Variants in FRMD3 observed in about 807,000 individuals in gnomAD.
FRMD3 encodes the protein FERM domain-containing protein 3.
In FRMD3, 33 loss-of-function variants were observed where a neutral mutation model predicts 70.2. That is an observed-to-expected ratio of 0.47 (90% CI 0.36 to 0.63). The LOEUF (loss-of-function observed/expected upper bound fraction) is 0.63, where lower values mean the gene tolerates loss of function less well. Ranked by LOEUF, FRMD3 falls within the 20% of genes least tolerant of loss-of-function variation. FRMD3 has a pLI of 0.00. For synonymous variants in FRMD3, 279 were observed against 255.9 expected (o/e 1.09, Z -0.86); for missense variants, 632 against 711.4 (o/e 0.89, Z 1.27).
At position 83,273,469 on chromosome 9, in the gene FRMD3, A is replaced by G. The variant is rs374011143; in HGVS notation, c.1195+17134T>C. Among the ~76,000 whole-genome samples the G allele has an allele frequency of 9.2e-5, 14 of 151,842 alleles. No individual in the cohort carries two copies. The East Asian group carries it at 1.2e-3, about 13-fold the overall frequency. ...AGAGTCATCAGCACTCCCTAATCTC[A>G]AGTACCCAGGGACACAAACACTGCG... On this transcript the variant is annotated intron_variant, in intron 13 of 13. Transcript: ENST00000304195.
chr9:83,556,201 G>GA, the FRMD3 span, among the ~76,000 whole-genome samples: 1,910 of 143,512 alleles, frequency 0.013, 24 homozygotes, highest in South Asian at 0.074. Context: ...CTAGCCTTTT[G>GA]AAAAAAAAAA....
At chr9:83,299,209 G>A (rs776831942) in intron 10 of FRMD3, 23 bp from the exon 11 acceptor site, 1 of 1,552,892 alleles carries the variant, frequency 6.4e-7, no homozygotes, top group South Asian at 1.1e-5. Flanking sequence ...GCAAAGCACA[G>A]GTGGTTAGGA....
chr9:83,375,550 A>G (rs906937115), intron 2 of FRMD3, among the ~76,000 whole-genome samples: 4 of 152,244 alleles, frequency 2.6e-5, no homozygotes, highest in Non-Finnish European at 5.9e-5. Flanking sequence ...ATTACAGGAA[A>G]TCATTTCTTC....
At chr9:83,364,921 T>C (rs959323327) in intron 3 of FRMD3, among the ~76,000 whole-genome samples, 2 of 152,224 alleles carry the variant, frequency 1.3e-5, no homozygotes, top group African/African-American at 4.8e-5. Flanking sequence ...ATCTTTACCA[T>C]AGCCCATATT....
intron 13 of FRMD3, among the ~76,000 whole-genome samples, chr9:83,289,709 C>A (rs532372632): frequency 1.6e-4 from 25 of 152,256 alleles, no homozygotes; most frequent in African/African-American, 6.0e-4. Flanking sequence ...AACGATGAAA[C>A]CAGAATCACA....
chr9:83,381,864 C>G (rs1825366330), intron 2 of FRMD3, among the ~76,000 whole-genome samples: 1 of 152,266 alleles, frequency 6.6e-6, no homozygotes, highest in African/African-American at 2.4e-5. Context: ...AACTACTCAA[C>G]CCTGCTATTG....
intron 1 of FRMD3, among the ~76,000 whole-genome samples, chr9:83,409,203 A>C (rs184706799): frequency 9.8e-4 from 150 of 152,298 alleles, no homozygotes; most frequent in African/African-American, 3.4e-3. Flanking sequence ...GAAGATGTTA[A>C]AAGCACACAG....
chr9:83,300,534 A>G (rs1834871141), intron 10 of FRMD3, among the ~76,000 whole-genome samples: 1 of 152,218 alleles, frequency 6.6e-6, no homozygotes, highest in African/African-American at 2.4e-5. Flanking sequence ...AATGGACTTT[A>G]TAGACTCAGA....
At chr9:83,483,703 T>C (rs1170680007) in intron 1 of FRMD3, among the ~76,000 whole-genome samples, 1 of 151,854 alleles carries the variant, frequency 6.6e-6, no homozygotes, top group Non-Finnish European at 1.5e-5. Context: ...TACAAAAAAT[T>C]AGAAAAATTA....
chr9:83,445,134 G>T (rs977142690), intron 1 of FRMD3, among the ~76,000 whole-genome samples: 25 of 152,294 alleles, frequency 1.6e-4, no homozygotes, highest in African/African-American at 6.0e-4. Context: ...CCAATGCTTT[G>T]GGAGGCCAAA....
At chr9:83,475,645 T>C (rs1828378532) in intron 1 of FRMD3, among the ~76,000 whole-genome samples, 1 of 152,162 alleles carries the variant, frequency 6.6e-6, no homozygotes, top group Non-Finnish European at 1.5e-5. Context: ...TAGCTAATAT[T>C]TGAAAGAGCT....
intron 3 of FRMD3, among the ~76,000 whole-genome samples, chr9:83,362,829 TCCCTCCCTCCTTCCTTCCCTCCCTC>T (rs1564035946): frequency 3.7e-5 from 5 of 134,104 alleles, no homozygotes; most frequent in Admixed American, 7.3e-5. Flanking sequence ...CCTCCTTCCT[TCCCTCCCTCCTTCCTTCCCTCCCTC>T]CTTCCTTCCC....
chr9:83,362,433 T>C (rs1219683315), intron 3 of FRMD3, among the ~76,000 whole-genome samples: 2 of 152,150 alleles, frequency 1.3e-5, no homozygotes, highest in African/African-American at 4.8e-5. Context: ...ACAACTTGAC[T>C]CAGTACTGCT....
rs1173907926 is a variant in FRMD3 at position 83,246,552 on chromosome 9, A to T, written c.*1366T>A. 3.0e-6 allele frequency: 3 copies of T among 985,064 alleles called. No individual in the cohort carries two copies. The highest frequency in any genetic ancestry group is 3.6e-6 in the Non-Finnish European group (3 of 829,864). The allele number at this position is 985,064 out of a possible 1,614,324, so 61.0% of individuals were successfully genotyped here. On this transcript the variant is annotated 3_prime_UTR_variant, in exon 14 of 14. Coordinates refer to ENST00000304195, the MANE Select transcript of FRMD3 (RefSeq NM_174938.6). The stretch of plus-strand genomic sequence containing the variant: ...TGAGGCCTCTCCAGTTTCTCTATGG[A>T]AGTCAAATTTTAAAACAACTGGGAA...
chr9:83,523,137 T>C lies in FRMD3; in HGVS notation c.147+14948A>G, dbSNP rs565014232. Among the ~76,000 whole-genome samples, 6 of 151,864 alleles carry C rather than the reference T, an allele frequency of 4.0e-5. No homozygotes were observed. In the South Asian group the frequency reaches 1.2e-3, roughly 32 times the overall value. ...AACAGAGGTATTCAATAAATGTTTG[T>C]TTGGTGAATGGATGGAGGATGGATG... On this transcript the variant is annotated intron_variant, in intron 1 of 13. Coordinates refer to ENST00000304195, the MANE Select transcript of FRMD3 (RefSeq NM_174938.6).
intron 1 of FRMD3, among the ~76,000 whole-genome samples, chr9:83,460,004 A>G (rs765041093): frequency 6.6e-6 from 1 of 152,166 alleles, no homozygotes; most frequent in Non-Finnish European, 1.5e-5. Flanking sequence ...CATTAATTCC[A>G]TCGGGCAGGG....
chr9:83,363,785 A>T (rs1207134642), intron 3 of FRMD3, among the ~76,000 whole-genome samples: 1 of 152,038 alleles, frequency 6.6e-6, no homozygotes, highest in African/African-American at 2.4e-5. Flanking sequence ...CGATCTCCTG[A>T]CCTCGTGATC....
chr9:83,550,581 G>A, the FRMD3 span, among the ~76,000 whole-genome samples: 1 of 152,012 alleles, frequency 6.6e-6, no homozygotes. Context: ...CCACAAACAT[G>A]GGATGTTTTT....
intron 1 of FRMD3, among the ~76,000 whole-genome samples, chr9:83,512,866 A>T (rs1829369239): frequency 2.6e-5 from 4 of 152,208 alleles, no homozygotes; most frequent in Non-Finnish European, 5.9e-5. Context: ...GTCCACTTTG[A>T]AGACATCCTA....
Sources: allele counts gnomAD v4.1 joint callset (sites outside exome capture counted in the v4.1 genomes callset), GRCh38; gene constraint gnomAD v4.1.1; transcripts MANE v1.5; gene names NCBI Gene and HGNC (gene_info 2026-07-23, HGNC 2026-07-21).